Variants in SHH observed in about 807,000 individuals in gnomAD.
SHH encodes the protein sonic hedgehog protein.
In SHH, 3 loss-of-function variants were observed where a neutral mutation model predicts 16.6. The ratio of observed to expected loss-of-function variants is 0.18; its 90% CI spans 0.08 to 0.47. SHH has a LOEUF of 0.47. Among genes scored for constraint, SHH ranks in the 20% least tolerant of loss-of-function variants. The probability of loss-of-function intolerance (pLI) is 0.98; values close to 1 mark genes in which losing one functional copy is unlikely to be tolerated. For synonymous variants in SHH, 351 were observed against 316.2 expected (o/e 1.11, Z -1.17); for missense variants, 499 against 665.0 (o/e 0.75, Z 2.75).
At chr7:155,804,227 G>GGCCCGCCTGCCCGCCT (rs112069193) in intron 2 of SHH, among the ~76,000 whole-genome samples, 7 of 151,176 alleles carry the variant, frequency 4.6e-5, no homozygotes, top group East Asian at 2.0e-4. Context: ...GGAAACCCCT[G>GGCCCGCCTGCCCGCCT]GCCCGCCTGC....
chr7:155,803,066 C>A lies in SHH; in HGVS notation c.1223G>T (p.Gly408Val). The change falls in exon 3 of 3, where the codon GGC (glycine) becomes GTC (valine). Residue 408 changes from glycine (G) to valine (V), a missense_variant. By Grantham distance (109) the Gly-to-Val change is moderately radical. Transcript: ENST00000297261. ...GGDSGGGDRG[G>V]GGGRVALTAP... ...GGTTAGGGCTACTCTGCCGCCGCCG[C>A]CCCCGCGGTCCCCGCCGCCGCTGTC... 7.2e-7 allele frequency: 1 copy of A among 1,383,498 alleles called. No homozygotes were observed. The highest frequency in any genetic ancestry group is 9.4e-7 in the Non-Finnish European group (1 of 1,066,422). The allele number at this position is 1,383,498 out of a possible 1,614,324, so 85.7% of individuals were successfully genotyped here.
chr7:155,803,678 G>A lies in SHH; in HGVS notation c.611C>T (p.Thr204Met), dbSNP rs1053198748. The change falls in exon 3 of 3, where the codon ACG becomes ATG. Residue 204 changes from threonine (T) to methionine (M), a missense_variant. By Grantham distance (81) the Thr-to-Met change is moderately conservative. Around this residue, in one of 4 missense-constraint regions of SHH, gnomAD observed 114 missense variants for 200.4 expected, o/e 0.57. Transcript: ENST00000297261. ...KSGGCFPGSA[T>M]VHLEQGGTKL... is the part of the protein sequence containing the mutation. ...GGTGCCGCCCTGCTCCAGGTGCACC[G>A]TGGCCGAGCCCGGGAAGCAGCCTCC... is the stretch of plus-strand genomic sequence containing the variant. 3.8e-6 allele frequency: 6 copies of A among 1,597,668 alleles called. No homozygotes were observed. The highest frequency in any genetic ancestry group is 5.1e-6 in the Non-Finnish European group (6 of 1,179,370).
Position 155,812,052 on chromosome 7 carries a change from C to T in SHH, c.71G>A (p.Cys24Tyr), listed in dbSNP as rs2117151372. Residue 24 changes from cysteine to tyrosine, a missense_variant, in exon 1 of 3, where the codon TGC becomes TAC. This residue lies in a region of SHH where 75 missense variants were observed against 115.0 expected (regional missense o/e 0.65). Transcript: ENST00000297261. The stretch of plus-strand genomic sequence containing the variant: ...CTTCCCGAACCCCCTGCCCGGTCCG[C>T]ACGCCAGTCCCGAGCATACCAGCAG... Reference protein sequence around the residue: ...SSLLVCSGLACGPGRGFGKRR... With the variant: ...SSLLVCSGLAYGPGRGFGKRR... 6.2e-7 allele frequency: 1 copy of T among 1,614,176 alleles called. No individual in the cohort carries two copies. The highest frequency in any genetic ancestry group is 1.7e-5 in the Admixed American group (1 of 60,034).
In SHH at chr7:155,812,097, A is replaced by C; in HGVS notation, c.26T>G (p.Leu9Arg). Residue 9 changes from leucine to arginine, a missense_variant, in exon 1 of 3, where the codon CTG (leucine) becomes CGG (arginine). By Grantham distance (102) the Leu-to-Arg change is moderately radical (BLOSUM62 -2). This residue lies in a region of SHH where 75 missense variants were observed against 115.0 expected (regional missense o/e 0.65). Transcript: ENST00000297261. ...CAGCAGCGAGGAGACGAGGACTAGC[A>C]GCAGACATCTCGCCAGCAGCAGCAT... is the stretch of plus-strand genomic sequence containing the variant. MLLLARCLLLVLVSSLLVC... is the reference protein window; with the variant it reads MLLLARCLRLVLVSSLLVC... The C allele has an allele frequency of 1.2e-6, 2 of 1,614,190 alleles. No individual in the cohort carries two copies. Among genetic ancestry groups the C allele is most frequent in the Admixed American group, 3.3e-5 (2 of 60,036 alleles).
chr7:155,801,224 A>T lies in SHH; in HGVS notation c.*1676T>A, dbSNP rs931120992. The T allele has an allele frequency of 2.0e-5, 3 of 152,834 alleles. No individual in the cohort carries two copies. The highest frequency in any genetic ancestry group is 2.9e-5 in the Non-Finnish European group (2 of 68,542). 9.5% of individuals were successfully genotyped at this position (152,834 alleles called of 1,614,324 possible). On this transcript the variant is annotated 3_prime_UTR_variant, in exon 3 of 3. Coordinates refer to ENST00000297261, the MANE Select transcript of SHH (RefSeq NM_000193.4). ...ACCAGTGTAGCCTGAGGACCTCAAC[A>T]GCAGCCCCGACATTCCAGCGACTGG...
rs1251576701 is a variant in SHH, at chr7:155,809,708, G to T, written c.300+2115C>A. ...CCCAAGGAAAAAAGTATTTGTTTTCGTTTCGTTCGTCTGAGGGAAGTTGAC... is the reference window on the plus strand; with the variant it reads ...CCCAAGGAAAAAAGTATTTGTTTTCTTTTCGTTCGTCTGAGGGAAGTTGAC... On this transcript the variant is annotated intron_variant, in intron 1 of 2. Coordinates refer to ENST00000297261, the MANE Select transcript of SHH (RefSeq NM_000193.4). This position sits in a 1 kb window ranked among gnomAD's most constrained non-coding sequence, Gnocchi z 6.1. Among the ~76,000 whole-genome samples the T allele has an allele frequency of 6.6e-6, 1 of 152,170 alleles. No individual in the cohort carries two copies. Among genetic ancestry groups the T allele is most frequent in the Non-Finnish European group, 1.5e-5 (1 of 68,032 alleles).
Position 155,803,407 on chromosome 7 carries a change from A to G in SHH, c.882T>C (p.Pro294=), listed in dbSNP as rs755846157. The change falls in exon 3 of 3, where the codon CCT becomes CCC. Residue 294 remains proline, a synonymous_variant. Transcript: ENST00000297261. ...CCCGAGGCCCCAGTGCGCCCCCGGA[A>G]GGCGGCCCCGAGCCCGAGGACGCCT... ...EPEASSGSGP[P]SGGALGPRAL... 36 of 1,518,438 alleles carry G rather than the reference A, an allele frequency of 2.4e-5. 1 individual carries two copies. The South Asian group carries it at 4.3e-4, about 18-fold the overall frequency. 94.1% of individuals were successfully genotyped at this position (1,518,438 alleles called of 1,614,324 possible).
chr7:155,808,860 A>G (rs9333607), intron 1 of SHH: 5,234 of 152,330 alleles, frequency 0.034, 320 homozygotes, highest in African/African-American at 0.12. Flanking sequence ...TGTCACCGCC[A>G]GCAGCCGGTG....
In SHH at chr7:155,812,204, G is replaced by C; in HGVS notation, c.-82C>G. 3 of 1,323,370 alleles carry C rather than the reference G, an allele frequency of 2.3e-6. No individual in the cohort carries two copies. Among genetic ancestry groups the C allele is most frequent in the East Asian group, 2.3e-5 (1 of 43,406 alleles). 82.0% of individuals were successfully genotyped at this position (1,323,370 alleles called of 1,614,324 possible). ...GCGCGCGGCGGGTGTGTGCGTGTGCGCTCTCTCTTGCGCTTTCCCTTCCTC... is the reference window on the plus strand; with the variant it reads ...GCGCGCGGCGGGTGTGTGCGTGTGCCCTCTCTCTTGCGCTTTCCCTTCCTC... On this transcript the variant is annotated 5_prime_UTR_variant, in exon 1 of 3. Transcript: ENST00000297261.
chr7:155,811,663 A>C (rs1803525601), intron 1 of SHH, among the ~76,000 whole-genome samples, 160 bp downstream of exon 1: 1 of 152,116 alleles, frequency 6.6e-6, no homozygotes, highest in Non-Finnish European at 1.5e-5. Context: ...CTCCTCCAGG[A>C]AGAGGAAGAG....
At chr7:155,805,149 G>C (rs891521743) in intron 2 of SHH, among the ~76,000 whole-genome samples, 1 of 151,618 alleles carries the variant, frequency 6.6e-6, no homozygotes, top group South Asian at 2.1e-4. Flanking sequence ...GGAGGCCTCC[G>C]GAGACCCCCG....
rs955894039 is a variant in SHH at position 155,803,402 on chromosome 7, C to G, written c.887G>C (p.Gly296Ala). 3 of 1,514,556 alleles carry G rather than the reference C, an allele frequency of 2.0e-6. No individual in the cohort carries two copies. In the African/African-American group the frequency reaches 4.3e-5, roughly 22 times the overall value. The allele number at this position is 1,514,556 out of a possible 1,614,324, so 93.8% of individuals were successfully genotyped here. The change falls in exon 3 of 3, where the codon GGG becomes GCG. Residue 296 changes from glycine (G) to alanine (A), a missense_variant. Gly to Ala is a moderately conservative substitution (Grantham distance 60). Transcript: ENST00000297261. ...CAGCGCCCGAGGCCCCAGTGCGCCC[C>G]CGGAAGGCGGCCCCGAGCCCGAGGA... The part of the protein sequence containing the change: ...EASSGSGPPS[G>A]GALGPRALFA...
Position 155,812,229 on chromosome 7 carries a change from C to T in SHH, c.-107G>A. The T allele has an allele frequency of 5.6e-6, 6 of 1,062,292 alleles. No individual in the cohort carries two copies. The highest frequency in any genetic ancestry group is 2.5e-5 in the East Asian group (1 of 40,766). The allele number at this position is 1,062,292 out of a possible 1,614,324, so 65.8% of individuals were successfully genotyped here. On this transcript the variant is annotated 5_prime_UTR_variant, in exon 1 of 3. Coordinates refer to ENST00000297261, the MANE Select transcript of SHH (RefSeq NM_000193.4). ...GCTCTCTCTTGCGCTTTCCCTTCCTCGCTCCGGCTCGCCCGCTCGCTCTCT... is the reference window on the plus strand; with the variant it reads ...GCTCTCTCTTGCGCTTTCCCTTCCTTGCTCCGGCTCGCCCGCTCGCTCTCT...
rs1803540236 is a variant in SHH at position 155,812,254 on chromosome 7, T to C, written c.-132A>G. On this transcript the variant is annotated 5_prime_UTR_variant, in exon 1 of 3. Transcript: ENST00000297261. ...CGCTCCGGCTCGCCCGCTCGCTCTC[T>C]CCCTCGCTGGCTGCCTCGCTCTTTC... 2.3e-6 allele frequency: 2 copies of C among 861,388 alleles called. No homozygotes were observed. Among genetic ancestry groups the C allele is most frequent in the East Asian group, 5.2e-5 (2 of 38,364 alleles). 53.4% of individuals were successfully genotyped at this position (861,388 alleles called of 1,614,324 possible).
rs746239519 is a variant in SHH, at chr7:155,802,916, G to A, written c.1373C>T (p.Ala458Val). The A allele has an allele frequency of 1.6e-5, 20 of 1,240,708 alleles. No homozygotes were observed. The East Asian group carries it at 2.0e-4, about 12-fold the overall frequency. 76.9% of individuals were successfully genotyped at this position (1,240,708 alleles called of 1,614,324 possible). Reference sequence around the variant, plus strand: ...CCCCCGGCTTCAGCTGGACTTGACCGCCATGCCCAGCGGGTGCAGGGCCTC... The same window carrying A: ...CCCCCGGCTTCAGCTGGACTTGACCACCATGCCCAGCGGGTGCAGGGCCTC... ...DSEALHPLGM[A>V]VKSS Residue 458 changes from alanine to valine, a missense_variant, in exon 3 of 3, where the codon GCG becomes GTG. Ala to Val is a moderately conservative substitution (Grantham distance 64). Transcript: ENST00000297261.
rs955189354 is a variant in SHH, at chr7:155,800,593, C to G, written c.*2307G>C. The G allele has an allele frequency of 2.1e-6, 1 of 470,830 alleles. No homozygotes were observed. The highest frequency in any genetic ancestry group is 2.0e-5 in the African/African-American group (1 of 50,106). 29.2% of individuals were successfully genotyped at this position (470,830 alleles called of 1,614,324 possible). ...CGCTTTCGACTGACTTGAAATCAGA[C>G]TGAACTGTCAAAAGAACAGAAACCA... On this transcript the variant is annotated 3_prime_UTR_variant, in exon 3 of 3. Transcript: ENST00000297261.
Position 155,803,042 on chromosome 7 carries a change from G to C in SHH, c.1247C>G (p.Thr416Ser). Residue 416 changes from threonine (T) to serine (S), a missense_variant, in exon 3 of 3, where the codon ACC (threonine) becomes AGC (serine). Around this residue, in one of 4 missense-constraint regions of SHH, gnomAD observed 299 missense variants for 301.1 expected, o/e 0.99. Transcript: ENST00000297261. Reference sequence around the variant, plus strand: ...CGGAGCGTCGGCAGCACCTGGAGCGGTTAGGGCTACTCTGCCGCCGCCGCC... The same window carrying C: ...CGGAGCGTCGGCAGCACCTGGAGCGCTTAGGGCTACTCTGCCGCCGCCGCC... Reference protein sequence around the residue: ...RGGGGGRVALTAPGAADAPGA... With the variant: ...RGGGGGRVALSAPGAADAPGA... The C allele has an allele frequency of 2.0e-6, 3 of 1,526,412 alleles. No homozygotes were observed. Among genetic ancestry groups the C allele is most frequent in the Non-Finnish European group, 2.6e-6 (3 of 1,138,284 alleles). 94.6% of individuals were successfully genotyped at this position (1,526,412 alleles called of 1,614,324 possible).
chr7:155,803,747 A>G lies in SHH; in HGVS notation c.563-21T>C. 3.2e-6 allele frequency: 5 copies of G among 1,581,928 alleles called. 1 individual carries two copies. The highest frequency in any genetic ancestry group is 4.5e-5 in the East Asian group (2 of 44,706). Reference sequence around the variant, plus strand: ...GTTCTCTGCGGGTGAGGAGAAGGGAAAGAAGAGAGGACAGGGCATTGAGTT... The same window carrying G: ...GTTCTCTGCGGGTGAGGAGAAGGGAGAGAAGAGAGGACAGGGCATTGAGTT... On this transcript the variant is annotated intron_variant, in intron 2 of 2. Transcript: ENST00000297261.
intron 2 of SHH, among the ~76,000 whole-genome samples, chr7:155,805,742 C>T (rs548419742): frequency 1.3e-5 from 2 of 152,316 alleles, no homozygotes; most frequent in South Asian, 4.1e-4. Context: ...GCTCCGGGCG[C>T]GCCGCCTCCA....
Sources: allele counts gnomAD v4.1 joint callset (sites outside exome capture counted in the v4.1 genomes callset), GRCh38; gene constraint gnomAD v4.1.1; regional missense constraint gnomAD v4.1.1; non-coding constraint Gnocchi (gnomAD v3.1); transcripts MANE v1.5; gene names NCBI Gene and HGNC (gene_info 2026-07-23, HGNC 2026-07-21).